The following SNRPD2 variants were observed in gnomAD, a reference collection of about 807,000 sequenced individuals.
SNRPD2 encodes the protein small nuclear ribonucleoprotein D2 polypeptide.
A neutral mutation model predicts 11.5 loss-of-function variants in SNRPD2; 1 was observed. That is an observed-to-expected ratio of 0.09 (90% CI 0.03 to 0.41). The LOEUF is 0.41. Ranked by LOEUF, SNRPD2 falls within the 10% of genes least tolerant of loss-of-function variation. SNRPD2 has a pLI of 0.98. For missense variants in SNRPD2, 77 were observed against 154.9 expected, an observed-to-expected ratio of 0.50 and a Z score of 2.67; for synonymous variants, 63 against 61.5, an observed-to-expected ratio of 1.02 and a Z score of -0.12.
chr19:45,690,878 T>A (rs1967527433), intron 1 of SNRPD2, among the ~76,000 whole-genome samples: 1 of 151,730 alleles, frequency 6.6e-6, no homozygotes, highest in African/African-American at 2.4e-5. Flanking sequence ...TTCTTTTCCC[T>A]TGGGGACTAG....
chr19:45,691,860 C>A, intron 1 of SNRPD2, 27 bp downstream of exon 1: 1 of 1,614,106 alleles, frequency 6.2e-7, no homozygotes, highest in South Asian at 1.1e-5. Context: ...ACCTCATTCC[C>A]GCCGCCTAAG....
chr19:45,690,241 G>T (rs1241957857), intron 1 of SNRPD2, among the ~76,000 whole-genome samples: 2 of 142,032 alleles, frequency 1.4e-5, no homozygotes, highest in Non-Finnish European at 3.0e-5. Flanking sequence ...TGAGGCAGGA[G>T]AATGGCGTGA....
At position 45,687,717 on chromosome 19, in the gene SNRPD2, T is replaced by C. The variant is rs1190581714; in HGVS notation, c.193A>G (p.Met65Val). 1 of 1,613,580 alleles carries C rather than the reference T, an allele frequency of 6.2e-7. No homozygotes were observed. The highest frequency in any genetic ancestry group is 1.3e-5 in the African/African-American group (1 of 74,940). The change falls in exon 3 of 3, where the codon ATG becomes GTG. Residue 65 changes from methionine (M) to valine (V), a missense_variant. Met to Val is a conservative substitution (Grantham distance 21, BLOSUM62 1). Coordinates refer to ENST00000342669, the MANE Select transcript of SNRPD2 (RefSeq NM_001384647.1). The surrounding 1 kb of genome is among the most constrained non-coding windows in gnomAD (Gnocchi z 4.1). ...ATCTCCTTCACGTTCTCCAGCACCA[T>C]GTTGCAGTGCCTGGTGGGGAACAGG... Reference protein sequence around the residue: ...RVKAFDRHCNMVLENVKEMWT... With the variant: ...RVKAFDRHCNVVLENVKEMWT...
chr19:45,689,583 C>T (rs1409627821), intron 1 of SNRPD2, among the ~76,000 whole-genome samples: 2 of 152,074 alleles, frequency 1.3e-5, no homozygotes, highest in Non-Finnish European at 2.9e-5. Flanking sequence ...TGGTGGTGCA[C>T]GCCTGTAATC....
chr19:45,691,957 G>A (rs1021063745), upstream of SNRPD2: 1 of 1,613,710 alleles, frequency 6.2e-7, no homozygotes. Context: ...GAGAGAGGCG[G>A]GACTTCCTCT....
At position 45,688,337 on chromosome 19, in the gene SNRPD2, A is replaced by C; in HGVS notation, c.182+50T>G. 6.6e-7 allele frequency: 1 copy of C among 1,512,466 alleles called. No homozygotes were observed. The highest frequency in any genetic ancestry group is 1.1e-5 in the South Asian group (1 of 88,032). 93.7% of individuals were successfully genotyped at this position (1,512,466 alleles called of 1,614,324 possible). ...TTTGAGCTCTTCAGACTGGAGCTGG[A>C]GTGGCCTCTCCAGGCCTGCGGAGAA... is the stretch of plus-strand genomic sequence containing the variant. On this transcript the variant is annotated intron_variant, in intron 2 of 2. Transcript: ENST00000342669. This position sits in a 1 kb window ranked among gnomAD's most constrained non-coding sequence, Gnocchi z 4.1.
intron 1 of SNRPD2, among the ~76,000 whole-genome samples, chr19:45,689,819 G>A (rs1165400586): frequency 6.6e-6 from 1 of 151,824 alleles, no homozygotes. Context: ...TGGATCGCCT[G>A]AGCTCAGGAG....
chr19:45,691,585 T>G, intron 1 of SNRPD2: 1 of 401,946 alleles, frequency 2.5e-6, no homozygotes, highest in Non-Finnish European at 4.6e-6. Flanking sequence ...TTGCCTAGGC[T>G]AGTCTCGAAC....
At chr19:45,691,989 G>A, upstream of SNRPD2, 4 of 1,612,124 alleles carry the variant, frequency 2.5e-6, no homozygotes, top group South Asian at 1.1e-5. Context: ...ACTTCCGTTG[G>A]CGCCTGCGCA....
chr19:45,687,630 G>T lies in SNRPD2; in HGVS notation c.280C>A (p.Arg94Ser). 1 of 1,614,084 alleles carries T rather than the reference G, an allele frequency of 6.2e-7. No individual in the cohort carries two copies. The highest frequency in any genetic ancestry group is 8.5e-7 in the Non-Finnish European group (1 of 1,179,940). The change falls in exon 3 of 3, where the codon CGC (arginine) becomes AGC (serine). Residue 94 changes from arginine (R) to serine (S), a missense_variant. Transcript: ENST00000342669. This position sits in a 1 kb window ranked among gnomAD's most constrained non-coding sequence, Gnocchi z 4.1. Reference protein sequence around the residue: ...KKKSKPVNKDRYISKMFLRGD... With the variant: ...KKKSKPVNKDSYISKMFLRGD... ...CGCAGGAACATCTTGGAGATGTAGCGGTCTTTGTTGACTGGCTTGGACTTC... is the reference window on the plus strand; with the variant it reads ...CGCAGGAACATCTTGGAGATGTAGCTGTCTTTGTTGACTGGCTTGGACTTC...
Position 45,688,475 on chromosome 19 carries a change from GCA to G in SNRPD2, c.92_93del (p.Val31AlafsTer19), listed in dbSNP as rs1967463846. 6.2e-7 allele frequency: 1 copy of G among 1,613,814 alleles called. No individual in the cohort carries two copies. Among genetic ancestry groups the G allele is most frequent in the African/African-American group, 1.3e-5 (1 of 74,924 alleles). ...EEEFNTGPLS[V>X]LTQSVKNNTQ... ...GTATTGTTCTTGACTGACTGTGTGAGCACAGAGAGTGGACCGGTGTTAAATTC... is the reference window on the plus strand; with the variant it reads ...GTATTGTTCTTGACTGACTGTGTGAGCAGAGAGTGGACCGGTGTTAAATTC... On this transcript the variant is annotated frameshift_variant, in exon 2 of 3. Coordinates refer to ENST00000342669, the MANE Select transcript of SNRPD2 (RefSeq NM_001384647.1). LOFTEE classifies it high-confidence loss of function. This position sits in a 1 kb window ranked among gnomAD's most constrained non-coding sequence, Gnocchi z 4.1.
chr19:45,691,793 G>GCC lies in SNRPD2; in HGVS notation c.2+92_2+93dup, dbSNP rs61466254. 3.8e-4 allele frequency: 539 copies of GCC among 1,423,338 alleles called. 1 individual carries two copies. Among genetic ancestry groups the GCC allele is most frequent in the African/African-American group, 9.3e-4 (66 of 70,832 alleles). 88.2% of individuals were successfully genotyped at this position (1,423,338 alleles called of 1,614,324 possible). A position where few individuals can be genotyped will look rare whatever the true frequency, so the allele number is the denominator to read the frequency against. ...CTGCATCCCTAAAACATCTGCCCCT[G>GCC]CCCCCCCCGCTCTGCTCAACCCTTC... On this transcript the variant is annotated intron_variant, in intron 1 of 2. Transcript: ENST00000342669.
At chr19:45,687,455 A>G, downstream of SNRPD2, 1 of 1,185,288 alleles carries the variant, frequency 8.4e-7, no homozygotes, top group Non-Finnish European at 1.2e-6. The surrounding 1 kb of genome is among the most constrained non-coding windows in gnomAD (Gnocchi z 4.1). Flanking sequence ...GGAAACAGAT[A>G]CCACTAGAAA....
intron 1 of SNRPD2, chr19:45,691,657 C>T (rs756527112): frequency 1.1e-4 from 64 of 606,228 alleles, no homozygotes; most frequent in Non-Finnish European, 1.8e-4. Context: ...AGGAATGAGC[C>T]CCCGCGCCCA....
chr19:45,691,892 G>A lies in SNRPD2; in HGVS notation c.-4C>T, dbSNP rs779642258. 1.7e-5 allele frequency: 27 copies of A among 1,613,962 alleles called. No individual in the cohort carries two copies. In the East Asian group the frequency reaches 5.6e-4, roughly 33 times the overall value. ...TAAGCCTAGCCCGGCCTCACATGATGGTCACTACGCTCTCCGTTCACTCCC... is the reference window on the plus strand; with the variant it reads ...TAAGCCTAGCCCGGCCTCACATGATAGTCACTACGCTCTCCGTTCACTCCC... On this transcript the variant is annotated 5_prime_UTR_variant, in exon 1 of 3. Coordinates refer to ENST00000342669, the MANE Select transcript of SNRPD2 (RefSeq NM_001384647.1).
chr19:45,691,814 C>T, intron 1 of SNRPD2, 73 bp downstream of exon 1: 9 of 1,586,446 alleles, frequency 5.7e-6, no homozygotes, highest in Non-Finnish European at 7.8e-6. Flanking sequence ...TCTGCTCAAC[C>T]CTTCCCACAC....
At chr19:45,691,735 C>T in intron 1 of SNRPD2, 152 bp downstream of exon 1, 2 of 956,704 alleles carry the variant, frequency 2.1e-6, no homozygotes, top group South Asian at 1.4e-5. Flanking sequence ...GCCCCACGCC[C>T]GTTCTCAAAC....
Position 45,688,114 on chromosome 19 carries a change from G to C in SNRPD2, c.182+273C>G, listed in dbSNP as rs1967455908. On this transcript the variant is annotated intron_variant, in intron 2 of 2. Coordinates refer to ENST00000342669, the MANE Select transcript of SNRPD2 (RefSeq NM_001384647.1). The surrounding 1 kb of genome is among the most constrained non-coding windows in gnomAD (Gnocchi z 4.1). ...CTATTCTTGTGCCTCGGCCACCTGAGTAGCTGTGAATACAGGCGTGCACCA... is the reference window on the plus strand; with the variant it reads ...CTATTCTTGTGCCTCGGCCACCTGACTAGCTGTGAATACAGGCGTGCACCA... Among the ~76,000 whole-genome samples, 1 of 152,222 alleles carries C rather than the reference G, an allele frequency of 6.6e-6. No individual in the cohort carries two copies. Among genetic ancestry groups the C allele is most frequent in the Non-Finnish European group, 1.5e-5 (1 of 68,044 alleles).
intron 1 of SNRPD2, chr19:45,691,628 A>G (rs1447841586): frequency 1.9e-6 from 1 of 519,168 alleles, no homozygotes; most frequent in Non-Finnish European, 3.5e-6. Context: ...GCCTTGGCCT[A>G]CTAAAGTGCT....
Sources: allele counts gnomAD v4.1 joint callset (sites outside exome capture counted in the v4.1 genomes callset), GRCh38; gene constraint gnomAD v4.1.1; non-coding constraint Gnocchi (gnomAD v3.1); transcripts MANE v1.5; gene names NCBI Gene and HGNC (gene_info 2026-07-23, HGNC 2026-07-21).